Variants in ADAMTSL1 observed in about 807,000 individuals in gnomAD.
The protein encoded by ADAMTSL1 is ADAMTS-like protein 1.
Under a neutral mutation model 201.8 loss-of-function variants are expected in ADAMTSL1, and 126 were observed. The ratio of observed to expected loss-of-function variants is 0.62; its 90% CI spans 0.54 to 0.72. The LOEUF is 0.72. Ranked by LOEUF, ADAMTSL1 falls within the 30% of genes least tolerant of loss-of-function variation. ADAMTSL1 has a pLI of 0.00. For synonymous variants in ADAMTSL1, 1,121 were observed against 903.4 expected, an observed-to-expected ratio of 1.24 and a Z score of -4.32; for missense variants, 2,679 against 2,277.8, an observed-to-expected ratio of 1.18 and a Z score of -3.59.
intron 6 of ADAMTSL1, among the ~76,000 whole-genome samples, chr9:18,637,230 C>T (rs1171567957): frequency 6.6e-6 from 1 of 152,076 alleles, no homozygotes; most frequent in Non-Finnish European, 1.5e-5. Context: ...ACAGTGTTCA[C>T]ATGTCAAAAG....
At chr9:18,710,595 T>C (rs970923428) in intron 14 of ADAMTSL1, among the ~76,000 whole-genome samples, 6 of 152,148 alleles carry the variant, frequency 3.9e-5, no homozygotes, top group Middle Eastern at 6.8e-3. Flanking sequence ...GAGAGGAGAT[T>C]ATTGGTGTCT....
At chr9:18,517,849 C>G (rs1255150300) in intron 2 of ADAMTSL1, among the ~76,000 whole-genome samples, 2 of 152,068 alleles carry the variant, frequency 1.3e-5, no homozygotes, top group Non-Finnish European at 2.9e-5. Context: ...GTGAATAATG[C>G]TTTTTCTTGT....
chr9:18,731,284 A>T (rs1473761382), intron 15 of ADAMTSL1, among the ~76,000 whole-genome samples: 1 of 152,172 alleles, frequency 6.6e-6, no homozygotes, highest in Non-Finnish European at 1.5e-5. Flanking sequence ...GGGCTGGTGT[A>T]TTAGGCTGTT....
Position 18,341,501 on chromosome 9 carries a change from A to T in ADAMTSL1, c.208-163328A>T, listed in dbSNP as rs571014746. Among the ~76,000 whole-genome samples the T allele has an allele frequency of 4.7e-4, 72 of 152,274 alleles. No individual in the cohort carries two copies. The South Asian group carries it at 0.013, about 28-fold the overall frequency. The stretch of plus-strand genomic sequence containing the variant: ...TCCACATCCAGAATAAATGTCCTCC[A>T]TAAATAAATGTCCTCCAGAATAAAT... On this transcript the variant is annotated intron_variant, in intron 2 of 29. Coordinates refer to the ADAMTSL1 transcript ENST00000680146.
chr9:18,346,845 G>T (rs546867109), intron 2 of ADAMTSL1, among the ~76,000 whole-genome samples: 1 of 152,200 alleles, frequency 6.6e-6, no homozygotes, highest in Middle Eastern at 3.4e-3. Flanking sequence ...AACTCGAAAG[G>T]CTCAATCTCA....
intron 5 of ADAMTSL1, among the ~76,000 whole-genome samples, chr9:18,624,549 G>A (rs1826239527): frequency 6.6e-6 from 1 of 152,172 alleles, no homozygotes; most frequent in Non-Finnish European, 1.5e-5. Context: ...ATGCATGTGT[G>A]CAGTGATGGC....
chr9:18,025,459 A>T (rs1820652670), intron 1 of ADAMTSL1, among the ~76,000 whole-genome samples: 1 of 152,052 alleles, frequency 6.6e-6, no homozygotes, highest in Non-Finnish European at 1.5e-5. Context: ...GTTCAGTTTT[A>T]TTCTTCTGTG....
chr9:18,249,037 G>C (rs994350170), intron 2 of ADAMTSL1, among the ~76,000 whole-genome samples: 1 of 152,126 alleles, frequency 6.6e-6, no homozygotes. Flanking sequence ...ATAGACTGAT[G>C]AGAGGATTCT....
intron 1 of ADAMTSL1, among the ~76,000 whole-genome samples, chr9:18,097,709 T>C (rs1824316334): frequency 6.6e-6 from 1 of 152,186 alleles, no homozygotes; most frequent in Non-Finnish European, 1.5e-5. Flanking sequence ...TTGTAGAGTA[T>C]TTGTAGTTCA....
intron 1 of ADAMTSL1, among the ~76,000 whole-genome samples, chr9:18,133,967 G>A (rs1458997093): frequency 6.6e-6 from 1 of 152,150 alleles, no homozygotes; most frequent in African/African-American, 2.4e-5. Context: ...AGGGTGGTAT[G>A]TTGGAATGTA....
intron 4 of ADAMTSL1, among the ~76,000 whole-genome samples, chr9:18,612,097 G>T (rs1411840041): frequency 6.6e-6 from 1 of 152,194 alleles, no homozygotes; most frequent in Admixed American, 6.5e-5. Context: ...TGAAGCCTGG[G>T]GCACTGTGCC....
chr9:18,644,431 C>T (rs1170797189), intron 7 of ADAMTSL1, among the ~76,000 whole-genome samples: 1 of 151,682 alleles, frequency 6.6e-6, no homozygotes, highest in Non-Finnish European at 1.5e-5. Flanking sequence ...TACATATGCA[C>T]AATGTGCAGG....
intron 2 of ADAMTSL1, among the ~76,000 whole-genome samples, chr9:18,340,934 G>A (rs1835441478): frequency 6.6e-6 from 1 of 151,996 alleles, no homozygotes; most frequent in South Asian, 2.1e-4. Flanking sequence ...TCTAAAATCT[G>A]TTTATTTTTT....
intron 4 of ADAMTSL1, among the ~76,000 whole-genome samples, chr9:18,613,577 C>A (rs150496791): frequency 2.9e-3 from 439 of 152,208 alleles, no homozygotes; most frequent in African/African-American, 0.01. Context: ...ATGAATGGAG[C>A]TGGAGGCCAT....
In ADAMTSL1 at chr9:18,634,843, A is replaced by C. The variant is rs1245678107; in HGVS notation, c.602-1100A>C. 5.6e-5 allele frequency among the ~76,000 whole-genome samples: 8 copies of C among 141,660 alleles called. No individual in the cohort carries two copies. The Admixed American group carries it at 5.9e-4, about 10-fold the overall frequency. 92.9% of individuals were successfully genotyped at this position (141,660 alleles called of 152,430 possible). On this transcript the variant is annotated intron_variant, in intron 5 of 28. Coordinates refer to ENST00000380548, the MANE Select transcript of ADAMTSL1 (RefSeq NM_001040272.6). ...GACAGAGCGAGATTCCTCAAAAAAA[A>C]AAAAAGAATATGTAAATATATATAT...
At chr9:18,242,581 GA>G (rs1297011072) in intron 2 of ADAMTSL1, among the ~76,000 whole-genome samples, 1 of 152,094 alleles carries the variant, frequency 6.6e-6, no homozygotes, top group African/African-American at 2.4e-5. Flanking sequence ...ATCTCTATTT[GA>G]AGGTGGTATG....
chr9:18,726,517 A>G (rs1021657743), intron 15 of ADAMTSL1, among the ~76,000 whole-genome samples: 4 of 152,140 alleles, frequency 2.6e-5, no homozygotes, highest in African/African-American at 9.7e-5. Flanking sequence ...TCTCCAAAAA[A>G]AAAAAAATAA....
At chr9:18,675,989 A>C (rs1043964844) in intron 10 of ADAMTSL1, 82 bp downstream of exon 10, 1 of 1,252,776 alleles carries the variant, frequency 8.0e-7, no homozygotes, top group Non-Finnish European at 1.2e-6. Flanking sequence ...ATATACATAT[A>C]CATAGAGAGA....
At chr9:17,949,891 C>G (rs781250122) in intron 1 of ADAMTSL1, among the ~76,000 whole-genome samples, 28 of 152,156 alleles carry the variant, frequency 1.8e-4, no homozygotes, top group Middle Eastern at 3.4e-3. Context: ...AAAGCAGGCT[C>G]CACCTCAAAT....
Sources: allele counts gnomAD v4.1 joint callset (sites outside exome capture counted in the v4.1 genomes callset), GRCh38; gene constraint gnomAD v4.1.1; transcripts MANE v1.5; gene names NCBI Gene and HGNC (gene_info 2026-07-23, HGNC 2026-07-21).